Variants in LOC400499 observed in about 807,000 individuals in gnomAD.
chr16:11,493,007 G>A, the LOC400499 span, among the ~76,000 whole-genome samples: 1 of 152,128 alleles, frequency 6.6e-6, no homozygotes, highest in African/African-American at 2.4e-5. Flanking sequence ...ATGTGCAAAG[G>A]GCCTGGGGCA....
chr16:11,478,910 G>A, the LOC400499 span, among the ~76,000 whole-genome samples: 46,457 of 151,948 alleles, frequency 0.31, 7,642 homozygotes, highest in Admixed American at 0.42. Context: ...AAAAATGGGG[G>A]TTTCTCTGCA....
the LOC400499 span, among the ~76,000 whole-genome samples, chr16:11,386,302 G>A: frequency 2.0e-5 from 3 of 152,364 alleles, no homozygotes; most frequent in African/African-American, 7.2e-5. Flanking sequence ...ATGGTGCACA[G>A]CCAGGCACCT....
At chr16:11,525,101 T>A in the LOC400499 span, among the ~76,000 whole-genome samples, 1 of 151,990 alleles carries the variant, frequency 6.6e-6, no homozygotes, top group Non-Finnish European at 1.5e-5. Flanking sequence ...CTGGCCAGCA[T>A]GGCGAAACCC....
At chr16:11,453,410 C>T in the LOC400499 span, among the ~76,000 whole-genome samples, 1 of 151,992 alleles carries the variant, frequency 6.6e-6, no homozygotes, top group Non-Finnish European at 1.5e-5. Context: ...GGGGGAAAGC[C>T]TCCAACAGGA....
the LOC400499 span, chr16:11,391,743 T>C: frequency 8.1e-7 from 1 of 1,232,198 alleles, no homozygotes; most frequent in Non-Finnish European, 1.0e-6. Flanking sequence ...GGTCAGTGCC[T>C]GGCTCCGGGC....
the LOC400499 span, among the ~76,000 whole-genome samples, chr16:11,482,778 G>C: frequency 4.6e-5 from 7 of 151,714 alleles, no homozygotes; most frequent in African/African-American, 1.5e-4. Context: ...TATAGTCCCA[G>C]CTACTCAAGT....
the LOC400499 span, among the ~76,000 whole-genome samples, chr16:11,378,015 A>T: frequency 6.6e-6 from 1 of 152,240 alleles, no homozygotes; most frequent in South Asian, 2.1e-4. Context: ...TTTCTGCTCT[A>T]AACTTTATTA....
chr16:11,492,378 G>A, the LOC400499 span, among the ~76,000 whole-genome samples: 6 of 150,922 alleles, frequency 4.0e-5, no homozygotes, highest in African/African-American at 1.5e-4. Flanking sequence ...TATGCACTCA[G>A]CACTGTGCTA....
At chr16:11,378,131 C>G in the LOC400499 span, among the ~76,000 whole-genome samples, 1 of 152,122 alleles carries the variant, frequency 6.6e-6, no homozygotes, top group South Asian at 2.1e-4. Flanking sequence ...CTTTGAGAGA[C>G]TTGCCACGTT....
chr16:11,390,372 C>T, the LOC400499 span: 5 of 1,236,350 alleles, frequency 4.0e-6, no homozygotes, highest in Admixed American at 1.3e-4. Flanking sequence ...CCTGCAGCCG[C>T]CGCATGGCCT....
chr16:11,455,153 G>A, the LOC400499 span, among the ~76,000 whole-genome samples: 5 of 152,172 alleles, frequency 3.3e-5, no homozygotes, highest in African/African-American at 1.2e-4. Context: ...AGGTCACCAT[G>A]ATAGGACACC....
the LOC400499 span, among the ~76,000 whole-genome samples, chr16:11,463,158 T>C: frequency 3.3e-5 from 5 of 152,154 alleles, no homozygotes; most frequent in African/African-American, 1.2e-4. Flanking sequence ...GACAGCTCAC[T>C]ACACACTCCA....
At chr16:11,380,069 G>A in the LOC400499 span, among the ~76,000 whole-genome samples, 27 of 152,046 alleles carry the variant, frequency 1.8e-4, no homozygotes, top group African/African-American at 5.1e-4. Flanking sequence ...GTGATCCTTC[G>A]GAGTAGCTGA....
At chr16:11,392,566 C>T in the LOC400499 span, 8 of 401,794 alleles carry the variant, frequency 2.0e-5, no homozygotes, top group East Asian at 3.6e-5. Flanking sequence ...CCCCCTCCAC[C>T]GCTTTCCGTA....
chr16:11,480,989 ACATCCAT>A, the LOC400499 span, among the ~76,000 whole-genome samples: 1 of 152,252 alleles, frequency 6.6e-6, no homozygotes, highest in Non-Finnish European at 1.5e-5. Flanking sequence ...CACACGTGGT[ACATCCAT>A]ACGATGAAAT....
the LOC400499 span, chr16:11,470,486 G>A: frequency 1.3e-5 from 2 of 152,112 alleles, no homozygotes; most frequent in Admixed American, 6.6e-5. Context: ...TGGGTCCCCC[G>A]GAGCCTTTTC....
chr16:11,430,283 C>T, the LOC400499 span, among the ~76,000 whole-genome samples: 8 of 152,122 alleles, frequency 5.3e-5, no homozygotes, highest in East Asian at 1.5e-3. Context: ...GCCAGGAGTT[C>T]GAGACCAGCC....
chr16:11,524,010 A>G, the LOC400499 span, among the ~76,000 whole-genome samples: 1 of 62,336 alleles, frequency 1.6e-5, no homozygotes, highest in Admixed American at 1.9e-4. Flanking sequence ...CACCCCTCCT[A>G]TACACCCACC....
chr16:11,474,476 A>C, the LOC400499 span, among the ~76,000 whole-genome samples: 3 of 152,200 alleles, frequency 2.0e-5, no homozygotes, highest in African/African-American at 7.2e-5. Flanking sequence ...TGCAACGAAC[A>C]TCTTTGTGCA....
Sources: allele counts gnomAD v4.1 joint callset (sites outside exome capture counted in the v4.1 genomes callset), GRCh38; gene constraint gnomAD v4.1.1; transcripts MANE v1.5.